Variants in KIF3A observed in about 807,000 individuals in gnomAD.
The protein encoded by KIF3A is kinesin-like protein KIF3A.
In KIF3A, 27 loss-of-function variants were observed where a neutral mutation model predicts 92.6. That is an observed-to-expected ratio of 0.29 (90% CI 0.21 to 0.40). The LOEUF (loss-of-function observed/expected upper bound fraction) is 0.40, where lower values mean the gene tolerates loss of function less well. Among genes scored for constraint, KIF3A ranks in the 10% least tolerant of loss-of-function variants. The pLI is 1.00. For synonymous variants in KIF3A, 250 were observed against 275.4 expected (o/e 0.91, Z 0.92); for missense variants, 581 against 872.6 (o/e 0.67, Z 4.21).
downstream of KIF3A, chr5:132,689,711 A>G (rs1203400723): frequency 6.6e-6 from 1 of 152,204 alleles, no homozygotes; most frequent in Non-Finnish European, 1.5e-5. Context: ...GCTTGATGAA[A>G]CTGGACACCA....
chr5:132,689,263 C>A (rs1244961869), downstream of KIF3A, among the ~76,000 whole-genome samples: 2 of 152,190 alleles, frequency 1.3e-5, no homozygotes, highest in Non-Finnish European at 2.9e-5. Flanking sequence ...TAAGTTCAGG[C>A]TGTGGCTTCA....
intron 13 of KIF3A, 104 bp downstream of exon 13, chr5:132,702,781 A>T: frequency 1.5e-6 from 2 of 1,319,968 alleles, no homozygotes; most frequent in Non-Finnish European, 2.1e-6. Context: ...GCAATCCATA[A>T]ATATGCTTTA....
chr5:132,699,706 C>T (rs1293680908), intron 17 of KIF3A: 2 of 353,016 alleles, frequency 5.7e-6, no homozygotes, highest in Non-Finnish European at 1.1e-5. Flanking sequence ...CTACAGGCAC[C>T]CGCCACCACG....
chr5:132,699,635 T>C, intron 17 of KIF3A: 1 of 432,462 alleles, frequency 2.3e-6, no homozygotes, highest in Admixed American at 2.7e-5. Flanking sequence ...CTGGGCTCAC[T>C]GCAAGCTCCA....
At chr5:132,691,391 T>C (rs1752660228), downstream of KIF3A, among the ~76,000 whole-genome samples, 1 of 151,230 alleles carries the variant, frequency 6.6e-6, no homozygotes, top group African/African-American at 2.4e-5. Flanking sequence ...CTACTAAAAA[T>C]ACAAAGTTAG....
chr5:132,710,026 A>C lies in KIF3A; in HGVS notation c.1228+933T>G, dbSNP rs1046338547. On this transcript the variant is annotated intron_variant, in intron 9 of 18. Transcript: ENST00000403231. ...CCAGCTTGAAAACAATGACCACATT[A>C]ATGGAAGAGAGTTCTGAAATAAATA... 8.5e-4 allele frequency among the ~76,000 whole-genome samples: 129 copies of C among 152,234 alleles called. 1 individual carries two copies. Among genetic ancestry groups the C allele is most frequent in the Non-Finnish European group, 1.3e-3 (86 of 68,032 alleles).
Position 132,697,746 on chromosome 5 carries a change from C to T in KIF3A, c.2133-1064G>A, listed in dbSNP as rs553118796. 3.3e-5 allele frequency: 5 copies of T among 152,404 alleles called. No homozygotes were observed. The South Asian group carries it at 6.2e-4, about 19-fold the overall frequency. The allele number at this position is 152,404 out of a possible 1,614,324, so 9.4% of individuals were successfully genotyped here. A position where few individuals can be genotyped will look rare whatever the true frequency, so the allele number is the denominator to read the frequency against. On this transcript the variant is annotated intron_variant, in intron 18 of 18. Coordinates refer to ENST00000403231, the MANE Select transcript of KIF3A (RefSeq NM_001300791.2). ...CCTGGGCAACAGAGTGAGACTCCATCTCAAAAAAAAGAAAAGAAAAGAAAA... is the reference window on the plus strand; with the variant it reads ...CCTGGGCAACAGAGTGAGACTCCATTTCAAAAAAAAGAAAAGAAAAGAAAA...
intron 8 of KIF3A, among the ~76,000 whole-genome samples, chr5:132,712,587 T>C (rs1329645373): frequency 3.9e-5 from 6 of 152,158 alleles, no homozygotes; most frequent in South Asian, 2.1e-4. Flanking sequence ...ACAAGAACTA[T>C]TGATGAATAC....
intron 11 of KIF3A, 113 bp downstream of exon 11, chr5:132,706,338 T>C: frequency 1.6e-6 from 1 of 610,240 alleles, no homozygotes; most frequent in Non-Finnish European, 2.6e-6. Context: ...AAAAGATAGA[T>C]ACTTACCTGG....
chr5:132,700,555 G>T (rs1488093044), intron 16 of KIF3A, 92 bp downstream of exon 16: 47 of 823,168 alleles, frequency 5.7e-5, no homozygotes, highest in Non-Finnish European at 9.1e-5. Context: ...TCATCTACTG[G>T]ACCATGTTCC....
intron 5 of KIF3A, among the ~76,000 whole-genome samples, chr5:132,718,887 C>G (rs1050292028): frequency 6.6e-6 from 1 of 152,126 alleles, no homozygotes; most frequent in Non-Finnish European, 1.5e-5. Context: ...CCTTGGCCTC[C>G]CAGAGTGTTG....
chr5:132,728,596 G>A (rs1754115785), intron 2 of KIF3A, among the ~76,000 whole-genome samples: 1 of 151,978 alleles, frequency 6.6e-6, no homozygotes, highest in African/African-American at 2.4e-5. Flanking sequence ...AATTAGCTGG[G>A]TGTGGTGGCA....
At chr5:132,689,795 A>T (rs11242123), downstream of KIF3A, 40,407 of 152,104 alleles carry the variant, frequency 0.27, 7,029 homozygotes, top group East Asian at 0.75. Flanking sequence ...TGTACATGCC[A>T]GGGCAGGCCT....
rs59476182 is a variant in KIF3A, at chr5:132,724,806, A to AAAAAAATTATAT, written c.510+1321_510+1322insATATAATTTTTT. Among the ~76,000 whole-genome samples the AAAAAAATTATAT allele has an allele frequency of 6.4e-3, 145 of 22,666 alleles. 9 individuals carry two copies. Among genetic ancestry groups the AAAAAAATTATAT allele is most frequent in the East Asian group, 0.035 (20 of 576 alleles). The allele number at this position is 22,666 out of a possible 152,430, so 14.9% of individuals were successfully genotyped here. On this transcript the variant is annotated intron_variant, in intron 4 of 18. Transcript: ENST00000403231. Reference sequence around the variant, plus strand: ...TTAAAGTATAATAAAAAAAAAAAAAAATATATATATATATATATATATATA... The same window carrying AAAAAAATTATAT: ...TTAAAGTATAATAAAAAAAAAAAAAAAAAAAATTATATATATATATATATATATATATATATA...
At chr5:132,737,246 C>G (rs982458858) in intron 1 of KIF3A, among the ~76,000 whole-genome samples, 168 bp downstream of exon 1, 4 of 152,246 alleles carry the variant, frequency 2.6e-5, no homozygotes, top group African/African-American at 9.6e-5. Context: ...ACCCCCGCGG[C>G]CCCGGGGCTG....
Position 132,736,414 on chromosome 5 carries a change from C to A in KIF3A, c.6+1000G>T, listed in dbSNP as rs531940936. ...ATCTACTTCTCTCTATTGTAGGATA[C>A]CCACCCACTTCATTATTAAGGTTTT... On this transcript the variant is annotated intron_variant, in intron 1 of 18. Coordinates refer to ENST00000403231, the MANE Select transcript of KIF3A (RefSeq NM_001300791.2). Among the ~76,000 whole-genome samples, 3 of 152,154 alleles carry A rather than the reference C, an allele frequency of 2.0e-5. No individual in the cohort carries two copies. In the South Asian group the frequency reaches 6.2e-4, roughly 32 times the overall value.
At chr5:132,721,039 AGTTGAG>A (rs1232787795) in intron 4 of KIF3A, among the ~76,000 whole-genome samples, 3 of 152,216 alleles carry the variant, frequency 2.0e-5, no homozygotes, top group African/African-American at 7.2e-5. Flanking sequence ...GCAGTTAGTC[AGTTGAG>A]GTAGGAGAAG....
chr5:132,708,350 T>C (rs1753296411), intron 10 of KIF3A, among the ~76,000 whole-genome samples: 1 of 151,118 alleles, frequency 6.6e-6, no homozygotes, highest in East Asian at 1.9e-4. Flanking sequence ...TATGGATAAA[T>C]GTCCATTTGA....
At position 132,708,970 on chromosome 5, in the gene KIF3A, T is replaced by G; in HGVS notation, c.1237A>C (p.Ser413Arg). The part of the protein sequence containing the change: ...EKRKKRRGSS[S>R]SSSSDSTCSV... ...CATGTGGAGTCTGAACTACTGCTGC[T>G]GCTACTGCCTGGAAAACAAAGAAAT... is the stretch of plus-strand genomic sequence containing the variant. Residue 413 changes from serine (S) to arginine (R), a missense_variant, in exon 10 of 19, where the codon AGC becomes CGC. Transcript: ENST00000403231. 1 of 1,549,914 alleles carries G rather than the reference T, an allele frequency of 6.5e-7. No individual in the cohort carries two copies. Among genetic ancestry groups the G allele is most frequent in the Non-Finnish European group, 8.7e-7 (1 of 1,146,456 alleles).
Sources: allele counts gnomAD v4.1 joint callset (sites outside exome capture counted in the v4.1 genomes callset), GRCh38; gene constraint gnomAD v4.1.1; transcripts MANE v1.5; gene names NCBI Gene and HGNC (gene_info 2026-07-23, HGNC 2026-07-21).